KANSL1L: variants seen among roughly 807,000 people sequenced by gnomAD.
KANSL1L encodes KAT8 regulatory NSL complex subunit 1-like protein.
KANSL1L carries 25 observed loss-of-function variants against 108.6 expected under a neutral mutation model. That is an observed-to-expected ratio of 0.23 (90% CI 0.17 to 0.32). The LOEUF (loss-of-function observed/expected upper bound fraction) is 0.32. KANSL1L is among the 10% of genes least tolerant of loss of function. The pLI, the probability that KANSL1L is intolerant of heterozygous loss-of-function variation, is 1.00. For synonymous variants in KANSL1L, 405 were observed against 395.1 expected, an observed-to-expected ratio of 1.03 and a Z score of -0.30; for missense variants, 1,137 against 1,125.7, an observed-to-expected ratio of 1.01 and a Z score of -0.14.
In KANSL1L at chr2:210,022,261, T is replaced by C. The variant is rs13018349; in HGVS notation, c.*688A>G. ...ATAAAGGAGTTTTGTGTTGCCTGGATATATGAATTTCTGTAAATAACTTCT... is the reference window on the plus strand; with the variant it reads ...ATAAAGGAGTTTTGTGTTGCCTGGACATATGAATTTCTGTAAATAACTTCT... On this transcript the variant is annotated 3_prime_UTR_variant, in exon 15 of 15. Transcript: ENST00000281772. The C allele has an allele frequency of 0.094, 14,240 of 152,138 alleles. 741 individuals carry two copies. The highest frequency in any genetic ancestry group is 0.15 in the Middle Eastern group (44 of 294). The allele number at this position is 152,138 out of a possible 1,614,324, so 9.4% of individuals were successfully genotyped here.
chr2:210,041,882 G>A (rs1187218026), intron 7 of KANSL1L, among the ~76,000 whole-genome samples: 4 of 152,252 alleles, frequency 2.6e-5, no homozygotes, highest in Non-Finnish European at 4.4e-5. Context: ...CCAAGGGACA[G>A]AGGTAAGATG....
chr2:210,071,047 ACT>A (rs2094504359), intron 6 of KANSL1L, among the ~76,000 whole-genome samples: 1 of 151,574 alleles, frequency 6.6e-6, no homozygotes. Context: ...AATCCCAGCT[ACT>A]TGGGAGGCTG....
intron 1 of KANSL1L, among the ~76,000 whole-genome samples, chr2:210,156,440 C>T (rs556109474): frequency 6.6e-6 from 1 of 151,412 alleles, no homozygotes; most frequent in African/African-American, 2.4e-5. Flanking sequence ...CTAACAATAA[C>T]AAAACAGAGA....
At chr2:210,138,925 C>A (rs1399230210) in intron 2 of KANSL1L, among the ~76,000 whole-genome samples, 2 of 151,924 alleles carry the variant, frequency 1.3e-5, no homozygotes, top group African/African-American at 2.4e-5. Flanking sequence ...ATGGCGAAAC[C>A]CCGCCTCTAC....
intron 2 of KANSL1L, among the ~76,000 whole-genome samples, chr2:210,137,069 T>A (rs1403346224): frequency 6.6e-6 from 1 of 152,170 alleles, no homozygotes; most frequent in East Asian, 1.9e-4. Flanking sequence ...CATTTAAAGC[T>A]TCATATCCTG....
intron 2 of KANSL1L, among the ~76,000 whole-genome samples, chr2:210,143,208 T>C (rs1190877803): frequency 6.6e-6 from 1 of 152,142 alleles, no homozygotes; most frequent in East Asian, 1.9e-4. Flanking sequence ...TTTGTCTTTT[T>C]TTACATGTTT....
At chr2:210,158,303 G>A (rs1455233916) in intron 1 of KANSL1L, among the ~76,000 whole-genome samples, 1 of 152,014 alleles carries the variant, frequency 6.6e-6, no homozygotes, top group Non-Finnish European at 1.5e-5. Flanking sequence ...AGACCCACAT[G>A]GTATAGAAAT....
chr2:210,134,355 A>C (rs2095154983), intron 2 of KANSL1L, among the ~76,000 whole-genome samples: 1 of 152,148 alleles, frequency 6.6e-6, no homozygotes. Context: ...TATCATTTCC[A>C]CATCAGTTTC....
chr2:210,111,469 A>C (rs1166631828), intron 3 of KANSL1L, among the ~76,000 whole-genome samples: 1 of 152,190 alleles, frequency 6.6e-6, no homozygotes, highest in Non-Finnish European at 1.5e-5. Context: ...AGTGGTTGCC[A>C]GAGAAAAGAG....
At chr2:210,084,940 T>C (rs1411835058) in intron 5 of KANSL1L, among the ~76,000 whole-genome samples, 1 of 152,190 alleles carries the variant, frequency 6.6e-6, no homozygotes, top group Non-Finnish European at 1.5e-5. Flanking sequence ...GGATGTCTAA[T>C]ACATTTTGAA....
chr2:210,091,538 G>C (rs117488209), intron 5 of KANSL1L, among the ~76,000 whole-genome samples: 2,731 of 152,148 alleles, frequency 0.018, 232 homozygotes, highest in Admixed American at 0.15. Flanking sequence ...TAGCACTCAG[G>C]AAATGCCCCC....
intron 3 of KANSL1L, among the ~76,000 whole-genome samples, chr2:210,110,915 C>T (rs564453937): frequency 4.4e-4 from 67 of 152,166 alleles, no homozygotes; most frequent in African/African-American, 1.4e-3. Flanking sequence ...AGCTTGAGAC[C>T]AGCCTGGGCA....
At position 210,023,063 on chromosome 2, in the gene KANSL1L, T is replaced by G. The variant is rs1190773371; in HGVS notation, c.2850A>C (p.Glu950Asp). ...VERSSTAFHG[E>D]IFGTSVPENG... ...TCTCTGGTACACTGGTACCGAAGATTTCACCATGGAAAGCTGTGCTTGACC... is the reference window on the plus strand; with the variant it reads ...TCTCTGGTACACTGGTACCGAAGATGTCACCATGGAAAGCTGTGCTTGACC... The change falls in exon 15 of 15, where the codon GAA becomes GAC. Residue 950 changes from glutamate to aspartate, a missense_variant. Transcript: ENST00000281772. The G allele has an allele frequency of 1.9e-6, 3 of 1,613,910 alleles. No homozygotes were observed. Among genetic ancestry groups the G allele is most frequent in the Non-Finnish European group, 2.5e-6 (3 of 1,179,922 alleles).
chr2:210,062,817 G>C (rs1049316005), intron 6 of KANSL1L, among the ~76,000 whole-genome samples: 1 of 152,102 alleles, frequency 6.6e-6, no homozygotes, highest in Non-Finnish European at 1.5e-5. Flanking sequence ...GTTTTAAAAG[G>C]GAAACAGCAT....
intron 6 of KANSL1L, among the ~76,000 whole-genome samples, chr2:210,061,268 G>C (rs1165413012): frequency 6.6e-6 from 1 of 152,124 alleles, no homozygotes; most frequent in Non-Finnish European, 1.5e-5. Flanking sequence ...TCTATAGAAA[G>C]TGTATTAGGA....
chr2:210,068,598 ACCTT>A (rs2125304240), intron 6 of KANSL1L, among the ~76,000 whole-genome samples: 1 of 152,248 alleles, frequency 6.6e-6, no homozygotes, highest in East Asian at 1.9e-4. Context: ...GGTCTGATTT[ACCTT>A]CCTTTTTATT....
At chr2:210,169,855 A>T (rs1455967979) in intron 1 of KANSL1L, among the ~76,000 whole-genome samples, 1 of 152,348 alleles carries the variant, frequency 6.6e-6, no homozygotes, top group East Asian at 1.9e-4. Flanking sequence ...GTGGGCTTTT[A>T]AAAAATTCAC....
intron 3 of KANSL1L, among the ~76,000 whole-genome samples, chr2:210,127,118 T>C (rs1166136073): frequency 6.6e-6 from 1 of 152,136 alleles, no homozygotes; most frequent in South Asian, 2.1e-4. Flanking sequence ...TATATTCCAA[T>C]GGGATAGAAT....
chr2:210,152,786 C>G (rs943040283), intron 2 of KANSL1L: 1 of 151,932 alleles, frequency 6.6e-6, no homozygotes, highest in Non-Finnish European at 1.5e-5. Flanking sequence ...TGATACACTC[C>G]CAAAGACAAT....
Sources: gnomAD v4.1 joint callset for allele counts (sites outside exome capture counted in the v4.1 genomes callset) on GRCh38, gnomAD v4.1.1 for gene constraint, MANE v1.5 for transcripts, NCBI Gene and HGNC (gene_info 2026-07-23, HGNC 2026-07-21) for gene names.